ELMOD1: variants seen among roughly 807,000 people sequenced by gnomAD.
ELMOD1 encodes the protein ELMO domain containing 1.
In ELMOD1, 21 loss-of-function variants were observed where a neutral mutation model predicts 46.7. The ratio of observed to expected loss-of-function variants is 0.45; its 90% CI spans 0.32 to 0.65. The LOEUF is 0.65. Ranked by LOEUF, ELMOD1 falls within the 30% of genes least tolerant of loss-of-function variation. The probability of loss-of-function intolerance (pLI) is 0.04; values close to 1 mark genes in which losing one functional copy is unlikely to be tolerated. For synonymous variants in ELMOD1, 122 were observed against 138.2 expected (o/e 0.88, Z 0.82); for missense variants, 348 against 407.8 (o/e 0.85, Z 1.26).
Position 107,616,920 on chromosome 11 carries a change from G to T in ELMOD1, c.-85-1185G>T, listed in dbSNP as rs542595816. Among the ~76,000 whole-genome samples the T allele has an allele frequency of 2.6e-5, 4 of 152,286 alleles. No homozygotes were observed. The South Asian group carries it at 6.2e-4, about 24-fold the overall frequency. ...ATGTATTAGAAATTATGATCCGAGTGTTGGGTGGGAACTAACCAAATTAAA... is the reference window on the plus strand; with the variant it reads ...ATGTATTAGAAATTATGATCCGAGTTTTGGGTGGGAACTAACCAAATTAAA... On this transcript the variant is annotated intron_variant, in intron 1 of 11. Transcript: ENST00000265840.
chr11:107,644,860 T>C (rs1043575131), intron 6 of ELMOD1, among the ~76,000 whole-genome samples: 8 of 152,092 alleles, frequency 5.3e-5, no homozygotes, highest in African/African-American at 9.7e-5. Context: ...ACATTTTTTT[T>C]CCCTTTTTTC....
chr11:107,617,163 A>G (rs1306857813), intron 1 of ELMOD1, among the ~76,000 whole-genome samples: 1 of 152,190 alleles, frequency 6.6e-6, no homozygotes, highest in Non-Finnish European at 1.5e-5. Context: ...GTGTATAGAC[A>G]GTTTTTTCAA....
intron 5 of ELMOD1, among the ~76,000 whole-genome samples, 160 bp downstream of exon 5, chr11:107,631,837 T>C (rs1159092929): frequency 1.3e-5 from 2 of 152,196 alleles, no homozygotes; most frequent in Admixed American, 1.3e-4. Flanking sequence ...AAAAAGTACC[T>C]TTTTCATGTT....
At chr11:107,650,840 G>T in intron 8 of ELMOD1, 45 bp from the exon 9 acceptor site, 1 of 1,057,338 alleles carries the variant, frequency 9.5e-7, no homozygotes, top group Non-Finnish European at 1.3e-6. Flanking sequence ...TAAATTGTTT[G>T]CATTTTCATT....
chr11:107,661,726 A>G (rs1010666658), intron 11 of ELMOD1, among the ~76,000 whole-genome samples: 1 of 152,244 alleles, frequency 6.6e-6, no homozygotes, highest in Non-Finnish European at 1.5e-5. Flanking sequence ...TCTTGACCAA[A>G]GTTCTCAACT....
At chr11:107,632,495 G>A (rs1866157716) in intron 5 of ELMOD1, among the ~76,000 whole-genome samples, 1 of 152,124 alleles carries the variant, frequency 6.6e-6, no homozygotes, top group Non-Finnish European at 1.5e-5. Context: ...TCTCTTGGAA[G>A]GATTTTGGAT....
At chr11:107,624,905 C>A (rs1866015392) in intron 2 of ELMOD1, among the ~76,000 whole-genome samples, 1 of 152,132 alleles carries the variant, frequency 6.6e-6, no homozygotes, top group Admixed American at 6.5e-5. Flanking sequence ...TATATAACCA[C>A]CAATCCCCTT....
intron 1 of ELMOD1, chr11:107,593,070 A>G (rs989469762): frequency 6.6e-6 from 1 of 152,626 alleles, no homozygotes; most frequent in Non-Finnish European, 1.5e-5. Flanking sequence ...CAATTTACAG[A>G]TGTTTTACAT....
chr11:107,658,247 T>C (rs2508900), intron 11 of ELMOD1, among the ~76,000 whole-genome samples: 36,594 of 152,096 alleles, frequency 0.24, 8,880 homozygotes, highest in African/African-American at 0.62. Context: ...TGGGGGTTTT[T>C]TTGGTTTTTC....
intron 1 of ELMOD1, among the ~76,000 whole-genome samples, chr11:107,606,415 G>T (rs914444633): frequency 1.4e-4 from 21 of 152,188 alleles, no homozygotes; most frequent in African/African-American, 5.1e-4. Context: ...ACGTGCTTCT[G>T]CTAGGAGGGC....
intron 2 of ELMOD1, among the ~76,000 whole-genome samples, chr11:107,622,938 A>G (rs983491017): frequency 6.6e-6 from 1 of 152,194 alleles, no homozygotes; most frequent in African/African-American, 2.4e-5. Context: ...TGACACATAC[A>G]TATATAAACA....
chr11:107,610,455 G>A (rs2135665113), intron 1 of ELMOD1, among the ~76,000 whole-genome samples: 1 of 152,122 alleles, frequency 6.6e-6, no homozygotes, highest in South Asian at 2.1e-4. Flanking sequence ...CTTGAGGCCG[G>A]GAGTTCGAGA....
At chr11:107,633,678 G>A (rs962262831) in intron 5 of ELMOD1, among the ~76,000 whole-genome samples, 5 of 152,064 alleles carry the variant, frequency 3.3e-5, no homozygotes, top group Admixed American at 2.6e-4. Context: ...TGATCTGCCC[G>A]CCTCTGCCTC....
rs184893458 is a variant in ELMOD1 at position 107,635,065 on chromosome 11, T to G, written c.291-571T>G. Among the ~76,000 whole-genome samples, 485 of 152,292 alleles carry G rather than the reference T, an allele frequency of 3.2e-3. 6 individuals are homozygous for G. The highest frequency in any genetic ancestry group is 0.011 in the African/African-American group (467 of 41,566). ...AGGACACTCCTAAGTGGAGGTGGTG[T>G]TGTTATTGTTATTTTGTTTCACTTC... is the stretch of plus-strand genomic sequence containing the variant. On this transcript the variant is annotated intron_variant, in intron 5 of 11. Coordinates refer to ENST00000265840, the MANE Select transcript of ELMOD1 (RefSeq NM_018712.4).
At position 107,665,059 on chromosome 11, in the gene ELMOD1, C is replaced by T. The variant is rs146878340; in HGVS notation, c.867C>T (p.Ile289=). ...YLMHEFHKFW[I]EEDPMDIMEF... is the part of the protein sequence containing the mutation. ...TGCATGAATTTCATAAGTTTTGGATCGAAGAGGACCCCATGGACATAATGG... is the reference window on the plus strand; with the variant it reads ...TGCATGAATTTCATAAGTTTTGGATTGAAGAGGACCCCATGGACATAATGG... The change falls in exon 12 of 12, where the codon ATC becomes ATT. Residue 289 remains isoleucine (I), a synonymous_variant. Transcript: ENST00000265840. 20 of 1,613,402 alleles carry T rather than the reference C, an allele frequency of 1.2e-5. No homozygotes were observed. Among genetic ancestry groups the T allele is most frequent in the Admixed American group, 6.7e-5 (4 of 59,944 alleles).
At chr11:107,613,726 A>G (rs1439297049) in intron 1 of ELMOD1, among the ~76,000 whole-genome samples, 1 of 152,222 alleles carries the variant, frequency 6.6e-6, no homozygotes, top group East Asian at 1.9e-4. Flanking sequence ...AAATTTAGAT[A>G]AACTATTTCT....
intron 6 of ELMOD1, among the ~76,000 whole-genome samples, chr11:107,647,154 C>A (rs977658561): frequency 5.9e-5 from 9 of 152,106 alleles, no homozygotes; most frequent in Non-Finnish European, 1.3e-4. Flanking sequence ...AGCGAAAAGG[C>A]AAATAACCTC....
chr11:107,662,610 C>CA (rs149950392), intron 11 of ELMOD1, among the ~76,000 whole-genome samples: 34,396 of 139,610 alleles, frequency 0.25, 8,124 homozygotes, highest in African/African-American at 0.61. Context: ...AACTCTGTCT[C>CA]AAAAAAAAAA....
chr11:107,635,638 T>TG lies in ELMOD1; in HGVS notation c.296dup (p.Ile100AsnfsTer25). The TG allele has an allele frequency of 6.2e-7, 1 of 1,613,138 alleles. No homozygotes were observed. Among genetic ancestry groups the TG allele is most frequent in the East Asian group, 2.2e-5 (1 of 44,866 alleles). On this transcript the variant is annotated frameshift_variant, in exon 6 of 12. Coordinates refer to ENST00000265840, the MANE Select transcript of ELMOD1 (RefSeq NM_018712.4). LOFTEE classifies it high-confidence loss of function. ...TCTTCTGTTTTTGAACACCCTAGGC[T>TG]GGGAATCTCTCTTCAGGCTTGCCTT...
Sources: gnomAD v4.1 joint callset for allele counts (sites outside exome capture counted in the v4.1 genomes callset) on GRCh38, gnomAD v4.1.1 for gene constraint, MANE v1.5 for transcripts, NCBI Gene and HGNC (gene_info 2026-07-23, HGNC 2026-07-21) for gene names.